The following AUTS2 variants were observed in gnomAD, a reference collection of about 807,000 sequenced individuals.
The protein encoded by AUTS2 is activator of transcription and developmental regulator AUTS2.
Under a neutral mutation model 112.4 loss-of-function variants are expected in AUTS2, and 17 were observed. The observed-to-expected ratio is 0.15, with a 90% CI of 0.10 to 0.23. The LOEUF (loss-of-function observed/expected upper bound fraction) is 0.23, where lower values mean the gene tolerates loss of function less well. AUTS2 is among the 10% of genes least tolerant of loss of function. AUTS2 has a pLI of 1.00. For synonymous variants in AUTS2, 751 were observed against 702.7 expected (o/e 1.07, Z -1.09); for missense variants, 1,510 against 1,701.6 (o/e 0.89, Z 1.98).
At chr7:69,976,588 A>G (rs994151341) in intron 2 of AUTS2, among the ~76,000 whole-genome samples, 5 of 152,204 alleles carry the variant, frequency 3.3e-5, no homozygotes, top group South Asian at 4.1e-4. Context: ...CAATCCCACC[A>G]TTAGTGCACA....
intron 1 of AUTS2, among the ~76,000 whole-genome samples, chr7:69,752,435 T>C (rs1787777469): frequency 6.6e-6 from 1 of 152,220 alleles, no homozygotes; most frequent in African/African-American, 2.4e-5. Flanking sequence ...CACTAATCAA[T>C]CTACAGTTAA....
chr7:69,722,708 A>G (rs902351410), intron 1 of AUTS2, among the ~76,000 whole-genome samples: 16 of 152,190 alleles, frequency 1.1e-4, no homozygotes, highest in African/African-American at 3.9e-4. Context: ...CCTTTCATGG[A>G]GATAGACTTT....
intron 1 of AUTS2, among the ~76,000 whole-genome samples, chr7:69,738,558 T>TA (rs1787133675): frequency 6.6e-6 from 1 of 152,136 alleles, no homozygotes; most frequent in Non-Finnish European, 1.5e-5. Flanking sequence ...GCCTGTGAGT[T>TA]AAACTCAGCC....
At chr7:70,230,087 T>A (rs1045870055) in intron 4 of AUTS2, among the ~76,000 whole-genome samples, 1 of 143,374 alleles carries the variant, frequency 7.0e-6, no homozygotes, top group African/African-American at 2.6e-5. Context: ...ATAGTATCTA[T>A]TGACTTTTTT....
Position 70,552,600 on chromosome 7 carries a change from A to T in AUTS2, c.690+116819A>T, listed in dbSNP as rs74940756. Among the ~76,000 whole-genome samples, 1,407 of 152,250 alleles carry T rather than the reference A, an allele frequency of 9.2e-3. 17 individuals carry two copies. The highest frequency in any genetic ancestry group is 0.032 in the African/African-American group (1,344 of 41,530). Reference sequence around the variant, plus strand: ...AGAGCAGGAAGAGAGGCCTTTGAAAATTTTCGTAAAAAAGGTCTGCATTTA... The same window carrying T: ...AGAGCAGGAAGAGAGGCCTTTGAAATTTTTCGTAAAAAAGGTCTGCATTTA... On this transcript the variant is annotated intron_variant, in intron 5 of 18. Transcript: ENST00000342771.
At chr7:70,111,149 G>C (rs1431591553) in intron 2 of AUTS2, among the ~76,000 whole-genome samples, 1 of 151,984 alleles carries the variant, frequency 6.6e-6, no homozygotes, top group Non-Finnish European at 1.5e-5. Context: ...AAAGTACTGG[G>C]ATTATAGGCA....
At chr7:69,665,547 A>G (rs565070462) in intron 1 of AUTS2, among the ~76,000 whole-genome samples, 3 of 152,304 alleles carry the variant, frequency 2.0e-5, no homozygotes, top group African/African-American at 4.8e-5. Context: ...CGGCATTGTG[A>G]TCTATCCAGA....
rs565086400 is a variant in AUTS2 at position 69,623,280 on chromosome 7, T to C, written c.309+23318T>C. Among the ~76,000 whole-genome samples, 9 of 151,952 alleles carry C rather than the reference T, an allele frequency of 5.9e-5. No individual in the cohort carries two copies. In the East Asian group the frequency reaches 1.5e-3, roughly 26 times the overall value. On this transcript the variant is annotated intron_variant, in intron 1 of 18. Coordinates refer to ENST00000342771, the MANE Select transcript of AUTS2 (RefSeq NM_015570.4). ...TTCTGTCACCCAGGCTGGAATGTAG[T>C]GGGACAGTCATGACTCACTGCAGTC... is the stretch of plus-strand genomic sequence containing the variant.
At chr7:70,393,423 T>G (rs1793950350) in intron 4 of AUTS2, among the ~76,000 whole-genome samples, 1 of 152,118 alleles carries the variant, frequency 6.6e-6, no homozygotes, top group South Asian at 2.1e-4. Context: ...CCCCATGGTC[T>G]AGTTTGTCCT....
intron 14 of AUTS2, among the ~76,000 whole-genome samples, chr7:70,777,642 A>C (rs987583473): frequency 6.6e-6 from 1 of 152,210 alleles, no homozygotes; most frequent in Non-Finnish European, 1.5e-5. Flanking sequence ...CCAGCTCAGA[A>C]ATCTTACTGT....
At chr7:70,115,415 TC>T (rs1170682423) in intron 2 of AUTS2, among the ~76,000 whole-genome samples, 1 of 152,144 alleles carries the variant, frequency 6.6e-6, no homozygotes, top group African/African-American at 2.4e-5. Context: ...GCTCAGGTGA[TC>T]CCCCCGCTTC....
In AUTS2 at chr7:70,004,440, A is replaced by AT. The variant is rs1563032011; in HGVS notation, c.522+104942_522+104943insT. ...AATATATTATATATATATATATATA[A>AT]AATGCCATAAGCCATAGAGATTCAG... On this transcript the variant is annotated intron_variant, in intron 2 of 18. Coordinates refer to ENST00000342771, the MANE Select transcript of AUTS2 (RefSeq NM_015570.4). Among the ~76,000 whole-genome samples the AT allele has an allele frequency of 5.6e-3, 11 of 1,958 alleles. No homozygotes were observed. The South Asian group carries it at 0.083, about 15-fold the overall frequency. The allele number at this position is 1,958 out of a possible 152,430, so 1.3% of individuals were successfully genotyped here.
chr7:69,782,019 G>A (rs563372760), intron 1 of AUTS2, among the ~76,000 whole-genome samples: 9 of 152,312 alleles, frequency 5.9e-5, no homozygotes, highest in African/African-American at 2.2e-4. Context: ...CAGATTCCCG[G>A]ATGCTATCTC....
At chr7:70,589,096 C>A (rs965248911) in intron 5 of AUTS2, among the ~76,000 whole-genome samples, 2 of 152,194 alleles carry the variant, frequency 1.3e-5, no homozygotes, top group Non-Finnish European at 2.9e-5. Context: ...AGGCAGCAAC[C>A]GTAAAAAGCG....
At chr7:70,323,735 C>G (rs1442218634) in intron 4 of AUTS2, among the ~76,000 whole-genome samples, 1 of 152,130 alleles carries the variant, frequency 6.6e-6, no homozygotes, top group Non-Finnish European at 1.5e-5. Context: ...TATATTTGTA[C>G]CACATTTAAT....
At chr7:70,265,797 T>G (rs1240945053) in intron 4 of AUTS2, among the ~76,000 whole-genome samples, 1 of 152,202 alleles carries the variant, frequency 6.6e-6, no homozygotes, top group Non-Finnish European at 1.5e-5. Context: ...CAAGTCTAAT[T>G]TTTTATAACT....
chr7:70,735,475 C>T (rs1290357607), intron 6 of AUTS2, among the ~76,000 whole-genome samples: 3 of 152,130 alleles, frequency 2.0e-5, no homozygotes, highest in African/African-American at 2.4e-5. Flanking sequence ...CTGACCCTCA[C>T]GGGGGTGATG....
intron 17 of AUTS2, among the ~76,000 whole-genome samples, chr7:70,786,434 A>G (rs1171336736): frequency 1.3e-5 from 2 of 152,188 alleles, no homozygotes; most frequent in Admixed American, 6.5e-5. Context: ...AAAAAAGCAC[A>G]ATGAAAAATA....
intron 6 of AUTS2, among the ~76,000 whole-genome samples, chr7:70,744,199 C>T (rs906724616): frequency 1.3e-5 from 2 of 152,128 alleles, no homozygotes; most frequent in African/African-American, 4.8e-5. Flanking sequence ...GTTGAAAGTA[C>T]TGTCTAGATC....
Sources: allele counts gnomAD v4.1 joint callset (sites outside exome capture counted in the v4.1 genomes callset), GRCh38; gene constraint gnomAD v4.1.1; transcripts MANE v1.5; gene names NCBI Gene and HGNC (gene_info 2026-07-23, HGNC 2026-07-21).